The following NSUN6 variants were observed in gnomAD, a reference collection of about 807,000 sequenced individuals.
NSUN6 encodes NOP2/Sun RNA methyltransferase 6, also known as tRNA (cytosine(72)-C(5))-methyltransferase NSUN6.
Under a neutral mutation model 58.0 loss-of-function variants are expected in NSUN6, and 64 were observed. The observed-to-expected ratio is 1.10, with a 90% CI of 0.90 to 1.36. NSUN6 has a LOEUF of 1.36. Ranked by LOEUF, NSUN6 falls within the 40% of genes most tolerant of loss-of-function variation. The pLI is 0.00. For synonymous variants in NSUN6, 231 were observed against 193.9 expected, an observed-to-expected ratio of 1.19 and a Z score of -1.59; for missense variants, 701 against 550.1, an observed-to-expected ratio of 1.27 and a Z score of -2.74.
intron 8 of NSUN6, among the ~76,000 whole-genome samples, chr10:18,559,182 G>T (rs1375967451): frequency 6.6e-6 from 1 of 151,120 alleles, no homozygotes; most frequent in African/African-American, 2.4e-5. Flanking sequence ...AGAATAGAAT[G>T]GAATGGAAGA....
upstream of NSUN6, chr10:18,658,615 GTTA>G (rs980530988): frequency 2.4e-5 from 23 of 955,304 alleles, no homozygotes; most frequent in Non-Finnish European, 2.9e-5. Flanking sequence ...GGTGCTATGT[GTTA>G]TTATTATGTG....
chr10:18,562,316 G>A (rs2055576719), intron 8 of NSUN6, among the ~76,000 whole-genome samples: 1 of 150,852 alleles, frequency 6.6e-6, no homozygotes, highest in South Asian at 2.1e-4. Flanking sequence ...GGAATGGAAT[G>A]CAGAATGGAA....
At position 18,642,598 on chromosome 10, in the gene NSUN6, A is replaced by G. The variant is rs2059422511; in HGVS notation, c.232-43T>C. 4.3e-6 allele frequency: 4 copies of G among 936,104 alleles called. No individual in the cohort carries two copies. The South Asian group carries it at 5.6e-5, about 13-fold the overall frequency. The allele number at this position is 936,104 out of a possible 1,614,324, so 58.0% of individuals were successfully genotyped here. ...GATTATAAAGTAATCCATACATTTG[A>G]TACATTTCAACTTATGGAACTTTTC... is the stretch of plus-strand genomic sequence containing the variant. On this transcript the variant is annotated intron_variant, in intron 2 of 10. Transcript: ENST00000377304.
chr10:18,588,628 A>G (rs6482546), intron 7 of NSUN6, among the ~76,000 whole-genome samples: 121,036 of 152,172 alleles, frequency 0.8, 48,243 homozygotes, highest in East Asian at 0.98. Context: ...GGTGATACCC[A>G]GTCAAACAGG....
At chr10:18,568,351 C>T (rs1399923571) in intron 8 of NSUN6, among the ~76,000 whole-genome samples, 1 of 149,998 alleles carries the variant, frequency 6.7e-6, no homozygotes, top group Non-Finnish European at 1.5e-5. Flanking sequence ...TTTCATTCTG[C>T]ATTCTCGATT....
At chr10:18,548,591 T>G (rs2054427506) in intron 9 of NSUN6, among the ~76,000 whole-genome samples, 1 of 152,190 alleles carries the variant, frequency 6.6e-6, no homozygotes, top group East Asian at 1.9e-4. Context: ...GTTGGCTTCT[T>G]AACATTTCTT....
At chr10:18,579,126 T>C (rs900550528) in intron 8 of NSUN6, among the ~76,000 whole-genome samples, 1 of 152,258 alleles carries the variant, frequency 6.6e-6, no homozygotes, top group Non-Finnish European at 1.5e-5. Context: ...ATGAGATATA[T>C]GCTAAGAATT....
At chr10:18,605,850 C>A (rs902222047) in intron 6 of NSUN6, among the ~76,000 whole-genome samples, 1 of 152,148 alleles carries the variant, frequency 6.6e-6, no homozygotes, top group African/African-American at 2.4e-5. Flanking sequence ...TAAAAAAATA[C>A]ATTCAGTCTA....
intron 3 of NSUN6, among the ~76,000 whole-genome samples, chr10:18,642,215 G>GT (rs2059410315): frequency 2.0e-5 from 3 of 151,032 alleles, no homozygotes; most frequent in South Asian, 2.1e-4. Flanking sequence ...TTCACAGAAA[G>GT]TGGGGGGGGG....
At chr10:18,587,104 A>G (rs1407833245) in intron 7 of NSUN6, among the ~76,000 whole-genome samples, 1 of 152,204 alleles carries the variant, frequency 6.6e-6, no homozygotes, top group Admixed American at 6.5e-5. Context: ...ATAACTAGCT[A>G]CTTTTAATCA....
At chr10:18,613,824 C>A (rs1237118836) in intron 5 of NSUN6, among the ~76,000 whole-genome samples, 1 of 152,116 alleles carries the variant, frequency 6.6e-6, no homozygotes, top group Non-Finnish European at 1.5e-5. Context: ...TCACAGCTTT[C>A]AGCATGTCTA....
chr10:18,595,291 C>A (rs1438092357), intron 7 of NSUN6, among the ~76,000 whole-genome samples: 2 of 152,172 alleles, frequency 1.3e-5, no homozygotes, highest in African/African-American at 4.8e-5. Context: ...CAACAGAAAA[C>A]TGATACACCC....
chr10:18,589,305 G>A (rs1400833110), intron 7 of NSUN6, among the ~76,000 whole-genome samples: 1 of 152,226 alleles, frequency 6.6e-6, no homozygotes, highest in Non-Finnish European at 1.5e-5. Flanking sequence ...TGGCATACCT[G>A]AAAGTGACAG....
intron 8 of NSUN6, among the ~76,000 whole-genome samples, chr10:18,554,818 T>A (rs1390488305): frequency 1.3e-5 from 2 of 148,706 alleles, no homozygotes; most frequent in Non-Finnish European, 3.0e-5. Flanking sequence ...TGGAATAGAA[T>A]GGTATGGAAT....
intron 3 of NSUN6, among the ~76,000 whole-genome samples, chr10:18,637,023 C>G (rs7905432): frequency 2.1e-5 from 3 of 143,758 alleles, no homozygotes; most frequent in African/African-American, 7.8e-5. Context: ...AGTGCAATGG[C>G]GAGATCTCAG....
chr10:18,603,905 C>A (rs148098447), intron 6 of NSUN6, among the ~76,000 whole-genome samples: 1 of 152,124 alleles, frequency 6.6e-6, no homozygotes, highest in South Asian at 2.1e-4. Flanking sequence ...ATTAGACTGC[C>A]GGGTGTGGTG....
intron 8 of NSUN6, among the ~76,000 whole-genome samples, chr10:18,572,113 C>T (rs1459717926): frequency 1.3e-5 from 2 of 151,442 alleles, no homozygotes; most frequent in African/African-American, 4.8e-5. Context: ...TTTCACTCTC[C>T]CTTCCAGTTC....
upstream of NSUN6, among the ~76,000 whole-genome samples, chr10:18,657,167 T>C (rs1397635653): frequency 6.6e-6 from 1 of 152,186 alleles, no homozygotes; most frequent in East Asian, 1.9e-4. Flanking sequence ...GATCGATAGG[T>C]ACATCAGCAT....
intron 1 of NSUN6, 77 bp downstream of exon 1, chr10:18,651,052 A>G (rs2059689547): frequency 1.3e-6 from 2 of 1,543,264 alleles, no homozygotes; most frequent in African/African-American, 2.8e-5. Flanking sequence ...TTCCCTTTAT[A>G]CTTATTTCTA....
Sources: allele counts gnomAD v4.1 joint callset (sites outside exome capture counted in the v4.1 genomes callset), GRCh38; gene constraint gnomAD v4.1.1; transcripts MANE v1.5; gene names NCBI Gene and HGNC (gene_info 2026-07-23, HGNC 2026-07-21).